Variants in CFTR observed in about 807,000 individuals in gnomAD.
CFTR encodes CF transmembrane conductance regulator.
A neutral mutation model predicts 171.6 loss-of-function variants in CFTR; 181 were observed. The ratio of observed to expected loss-of-function variants is 1.05; its 90% CI spans 0.93 to 1.19. The LOEUF is 1.19. Ranked by LOEUF, CFTR falls within the 50% of genes most tolerant of loss-of-function variation. The probability of loss-of-function intolerance (pLI) is 0.00; values close to 1 mark genes in which losing one functional copy is unlikely to be tolerated. For missense variants in CFTR, 1,968 were observed against 1,734.7 expected, an observed-to-expected ratio of 1.13 and a Z score of -2.39; for synonymous variants, 583 against 608.0, an observed-to-expected ratio of 0.96 and a Z score of 0.60.
At chr7:117,657,222 T>C (rs1402768571) in intron 24 of CFTR, among the ~76,000 whole-genome samples, 1 of 152,168 alleles carries the variant, frequency 6.6e-6, no homozygotes, top group Admixed American at 6.6e-5. Context: ...TCTTAGAACC[T>C]GTGGTTATGA....
At chr7:117,556,093 A>G (rs987303648) in intron 10 of CFTR, among the ~76,000 whole-genome samples, 8 of 152,198 alleles carry the variant, frequency 5.3e-5, no homozygotes, top group Admixed American at 5.2e-4. Context: ...TTTGAGACAG[A>G]GTCTTACTGT....
intron 10 of CFTR, among the ~76,000 whole-genome samples, chr7:117,558,744 C>CT: frequency 6.6e-6 from 1 of 152,130 alleles, no homozygotes; most frequent in African/African-American, 2.4e-5. Flanking sequence ...TGACTTTCAG[C>CT]TTTTCTTAAT....
chr7:117,549,163 G>A (rs1265496355), intron 10 of CFTR, among the ~76,000 whole-genome samples: 1 of 152,130 alleles, frequency 6.6e-6, no homozygotes, highest in Admixed American at 6.6e-5. Context: ...TTTTTTCAGA[G>A]CTGGTCCAGG....
chr7:117,635,060 C>T (rs1029771430), intron 22 of CFTR, among the ~76,000 whole-genome samples: 11 of 152,082 alleles, frequency 7.2e-5, no homozygotes, highest in Admixed American at 6.6e-4. Context: ...CTGAAGTCTC[C>T]AACTCTAGTA....
chr7:117,585,817 G>A (rs1158756185), intron 11 of CFTR, among the ~76,000 whole-genome samples: 4 of 151,888 alleles, frequency 2.6e-5, no homozygotes, highest in Non-Finnish European at 4.4e-5. Context: ...AATTTAAAAG[G>A]AAAAAAATTG....
At chr7:117,481,895 C>G (rs1798005642) in intron 1 of CFTR, among the ~76,000 whole-genome samples, 2 of 152,344 alleles carry the variant, frequency 1.3e-5, no homozygotes, top group South Asian at 4.1e-4. Flanking sequence ...TGTTTAGTAG[C>G]TCTGTTGCCT....
chr7:117,581,846 G>A (rs1791854171), intron 11 of CFTR, among the ~76,000 whole-genome samples: 1 of 152,056 alleles, frequency 6.6e-6, no homozygotes, highest in Non-Finnish European at 1.5e-5. Flanking sequence ...GACCTCCTGG[G>A]CTCAAGCGAT....
chr7:117,532,862 C>G (rs1305508011), intron 4 of CFTR, among the ~76,000 whole-genome samples: 1 of 152,106 alleles, frequency 6.6e-6, no homozygotes, highest in Non-Finnish European at 1.5e-5. Context: ...TTGGTTTGCT[C>G]CCTAAAGTAA....
At chr7:117,556,193 T>C (rs1285476384) in intron 10 of CFTR, among the ~76,000 whole-genome samples, 3 of 152,014 alleles carry the variant, frequency 2.0e-5, no homozygotes, top group African/African-American at 7.3e-5. Context: ...CCCTCCCAAG[T>C]AGCTGGGACT....
rs766394173 is a variant in CFTR at position 117,642,424 on chromosome 7, C to T, written c.3718-14C>T. 6.2e-7 allele frequency: 1 copy of T among 1,612,298 alleles called. No homozygotes were observed. Among genetic ancestry groups the T allele is most frequent in the East Asian group, 2.2e-5 (1 of 44,840 alleles). On this transcript the variant is annotated splice_polypyrimidine_tract_variant and intron_variant, in intron 22 of 26. Coordinates refer to ENST00000003084, the MANE Select transcript of CFTR (RefSeq NM_000492.4). ...ATATGTCACAGAAGTGATCCCATCA[C>T]TTTTACCTTATAGGTGGGCCTCTTG...
chr7:117,610,791 A>T (rs1792374251), intron 19 of CFTR, 122 bp downstream of exon 19: 2 of 1,024,106 alleles, frequency 2.0e-6, no homozygotes, highest in Non-Finnish European at 2.9e-6. Flanking sequence ...TATAACAATA[A>T]TTTTTTTCTA....
chr7:117,629,508 G>A (rs1792705892), intron 22 of CFTR, among the ~76,000 whole-genome samples: 1 of 152,124 alleles, frequency 6.6e-6, no homozygotes, highest in Admixed American at 6.5e-5. Context: ...TGAAAGGTGG[G>A]GACAAGGAGA....
At chr7:117,536,717 T>A in intron 7 of CFTR, 44 bp downstream of exon 7, 12 of 1,518,540 alleles carry the variant, frequency 7.9e-6, no homozygotes, top group Non-Finnish European at 1.1e-5. Flanking sequence ...AATTCTGTCC[T>A]TAATTTTTTA....
At position 117,498,941 on chromosome 7, in the gene CFTR, G is replaced by T. The variant is rs1162130620; in HGVS notation, c.54-5312G>T. On this transcript the variant is annotated intron_variant, in intron 1 of 26. Coordinates refer to ENST00000003084, the MANE Select transcript of CFTR (RefSeq NM_000492.4). ...TTTGTCTACACAAACTAGAGTAATT[G>T]CTATTAATTCCTCAAGTGTTAATTA... is the stretch of plus-strand genomic sequence containing the variant. 3.3e-5 allele frequency among the ~76,000 whole-genome samples: 5 copies of T among 151,162 alleles called. No homozygotes were observed. In the East Asian group the frequency reaches 7.8e-4, roughly 24 times the overall value.
chr7:117,541,156 T>C (rs1283797831), intron 8 of CFTR, among the ~76,000 whole-genome samples: 1 of 152,136 alleles, frequency 6.6e-6, no homozygotes, highest in Non-Finnish European at 1.5e-5. Flanking sequence ...GATCTGTGAT[T>C]TAGACAAAGT....
intron 1 of CFTR, among the ~76,000 whole-genome samples, chr7:117,486,744 T>C (rs1212389852): frequency 6.6e-6 from 1 of 151,740 alleles, no homozygotes; most frequent in Non-Finnish European, 1.5e-5. Flanking sequence ...GTAGGCTTTG[T>C]TTGGGCTTTA....
rs534678258 is a variant in CFTR at position 117,633,096 on chromosome 7, G to A, written c.3717+5326G>A. 3.5e-4 allele frequency among the ~76,000 whole-genome samples: 53 copies of A among 152,294 alleles called. 3 individuals carry two copies. In the South Asian group the frequency reaches 0.01, roughly 30 times the overall value. On this transcript the variant is annotated intron_variant, in intron 22 of 26. Coordinates refer to ENST00000003084, the MANE Select transcript of CFTR (RefSeq NM_000492.4). ...TGTGATTGGCTTGAATCTATAGATGGAGTTGGGAAGGACTGACATCTTGAC... is the reference window on the plus strand; with the variant it reads ...TGTGATTGGCTTGAATCTATAGATGAAGTTGGGAAGGACTGACATCTTGAC...
intron 10 of CFTR, among the ~76,000 whole-genome samples, chr7:117,551,820 G>T (rs962034103): frequency 2.0e-4 from 30 of 152,130 alleles, no homozygotes; most frequent in Non-Finnish European, 3.5e-4. Context: ...TCCTTCTGTT[G>T]TCTGCATCAC....
rs375610324 is a variant in CFTR at position 117,600,965 on chromosome 7, C to G, written c.2620-1861C>G. Among the ~76,000 whole-genome samples the G allele has an allele frequency of 2.1e-3, 312 of 152,022 alleles. 1 individual carries two copies. Among genetic ancestry groups the G allele is most frequent in the African/African-American group, 7.3e-3 (304 of 41,512 alleles). On this transcript the variant is annotated intron_variant, in intron 15 of 26. Coordinates refer to ENST00000003084, the MANE Select transcript of CFTR (RefSeq NM_000492.4). ...ATAGAAGCAGTTTAGGTTGGTAGTTCTATGTGGAAACCGTGAGGAAATAAT... is the reference window on the plus strand; with the variant it reads ...ATAGAAGCAGTTTAGGTTGGTAGTTGTATGTGGAAACCGTGAGGAAATAAT...
Sources: allele counts gnomAD v4.1 joint callset (sites outside exome capture counted in the v4.1 genomes callset), GRCh38; gene constraint gnomAD v4.1.1; transcripts MANE v1.5; gene names NCBI Gene and HGNC (gene_info 2026-07-23, HGNC 2026-07-21).